The following ZNF821 variants were observed in gnomAD, a reference collection of about 807,000 sequenced individuals.
ZNF821 encodes the protein zinc finger protein 821.
In ZNF821, 16 loss-of-function variants were observed where a neutral mutation model predicts 44.3. The observed-to-expected ratio is 0.36, with a 90% CI of 0.24 to 0.55. The LOEUF is 0.55. ZNF821 is among the 20% of genes least tolerant of loss of function. The probability of loss-of-function intolerance (pLI) is 0.86; values close to 1 mark genes in which losing one functional copy is unlikely to be tolerated. For missense variants in ZNF821, 436 were observed against 547.6 expected, an observed-to-expected ratio of 0.80 and a Z score of 2.03; for synonymous variants, 204 against 197.6, an observed-to-expected ratio of 1.03 and a Z score of -0.27.
chr16:71,876,156 C>G (rs1346095154), intron 3 of ZNF821, among the ~76,000 whole-genome samples: 1 of 152,216 alleles, frequency 6.6e-6, no homozygotes, highest in African/African-American at 2.4e-5. Context: ...ATCATTTCTA[C>G]TAAGAGTACC....
chr16:71,877,640 C>T (rs1392074790), intron 3 of ZNF821, among the ~76,000 whole-genome samples: 1 of 151,986 alleles, frequency 6.6e-6, no homozygotes, highest in African/African-American at 2.4e-5. Context: ...GGGTTTTAGC[C>T]AGCTGCAGTG....
chr16:71,859,957 G>T lies in ZNF821; in HGVS notation c.*61C>A. 1.4e-6 allele frequency: 2 copies of T among 1,475,238 alleles called. No individual in the cohort carries two copies. Among genetic ancestry groups the T allele is most frequent in the Admixed American group, 4.7e-5 (2 of 42,874 alleles). The allele number at this position is 1,475,238 out of a possible 1,614,324, so 91.4% of individuals were successfully genotyped here. A position where few individuals can be genotyped will look rare whatever the true frequency, so the allele number is the denominator to read the frequency against. On this transcript the variant is annotated 3_prime_UTR_variant, in exon 8 of 8. Transcript: ENST00000425432. Reference sequence around the variant, plus strand: ...GGGTGGCAGCAGCACTGGTCCTCGTGGCTGTGGGTGTGGGTGGGTGGGTAG... The same window carrying T: ...GGGTGGCAGCAGCACTGGTCCTCGTTGCTGTGGGTGTGGGTGGGTGGGTAG...
chr16:71,875,363 C>A (rs1310156628), intron 3 of ZNF821, among the ~76,000 whole-genome samples: 1 of 151,966 alleles, frequency 6.6e-6, no homozygotes, highest in Non-Finnish European at 1.5e-5. Flanking sequence ...CTCACTGCAA[C>A]CTCTGCTTCC....
chr16:71,888,124 G>A (rs1243861492), upstream of ZNF821, among the ~76,000 whole-genome samples: 1 of 151,990 alleles, frequency 6.6e-6, no homozygotes. Flanking sequence ...CAATCTCCCC[G>A]CCTCAGCCTC....
At chr16:71,891,958 T>C (rs1367634370) in intron 1 of ZNF821, among the ~76,000 whole-genome samples, 3 of 125,300 alleles carry the variant, frequency 2.4e-5, no homozygotes, top group African/African-American at 6.2e-5. Context: ...ATTGAGCCAC[T>C]GCACTCCACC....
exon 1 of ZNF821, chr16:71,894,918 T>G: frequency 2.5e-6 from 3 of 1,198,950 alleles, no homozygotes; most frequent in Admixed American, 4.0e-5. Context: ...CGCCAGAGAC[T>G]GTGGTGCTGA....
rs117967468 is a variant in ZNF821, at chr16:71,894,855, A to C, written n.448+34T>G. On this transcript the variant is annotated intron_variant and non_coding_transcript_variant, in intron 1 of 2. Coordinates refer to the ZNF821 transcript ENST00000561700. ...CGATAATGGTTTTCAAGTTAAAAAC[A>C]AAGGTAACCAAGGAAAAAGTTTTCT... 403 of 1,532,896 alleles carry C rather than the reference A, an allele frequency of 2.6e-4. 6 individuals carry two copies. In the East Asian group the frequency reaches 9.6e-3, roughly 37 times the overall value. The allele number at this position is 1,532,896 out of a possible 1,614,324, so 95.0% of individuals were successfully genotyped here.
In ZNF821 at chr16:71,859,899, G is replaced by A. The variant is rs2033634731; in HGVS notation, c.*119C>T. The A allele has an allele frequency of 8.3e-7, 1 of 1,199,296 alleles. No individual in the cohort carries two copies. The highest frequency in any genetic ancestry group is 1.1e-6 in the Non-Finnish European group (1 of 882,444). The allele number at this position is 1,199,296 out of a possible 1,614,324, so 74.3% of individuals were successfully genotyped here. A position where few individuals can be genotyped will look rare whatever the true frequency, so the allele number is the denominator to read the frequency against. On this transcript the variant is annotated 3_prime_UTR_variant, in exon 8 of 8. Coordinates refer to ENST00000425432, the MANE Select transcript of ZNF821 (RefSeq NM_001201552.2). ...CTCAGGTCCACCTGCAATAAACCCAGGCCTGCCTCTGGCAGCAAGGACAGG... is the reference window on the plus strand; with the variant it reads ...CTCAGGTCCACCTGCAATAAACCCAAGCCTGCCTCTGGCAGCAAGGACAGG...
intron 2 of ZNF821, among the ~76,000 whole-genome samples, chr16:71,880,816 G>A (rs1306913163): frequency 6.6e-6 from 1 of 152,150 alleles, no homozygotes; most frequent in Non-Finnish European, 1.5e-5. Context: ...CCTCTGGGTA[G>A]CAAAGAGAAC....
intron 3 of ZNF821, among the ~76,000 whole-genome samples, chr16:71,875,134 T>C (rs550099772): frequency 6.6e-6 from 1 of 152,242 alleles, no homozygotes; most frequent in South Asian, 2.1e-4. Flanking sequence ...TAAAGGCCCT[T>C]GTAATGGCCA....
At chr16:71,891,714 A>G (rs1302226309) in intron 1 of ZNF821, among the ~76,000 whole-genome samples, 1 of 152,186 alleles carries the variant, frequency 6.6e-6, no homozygotes, top group Non-Finnish European at 1.5e-5. Context: ...TCACTACTAA[A>G]AATACAAAAA....
chr16:71,891,066 G>A (rs2036882710), intron 1 of ZNF821, among the ~76,000 whole-genome samples: 1 of 152,016 alleles, frequency 6.6e-6, no homozygotes, highest in Non-Finnish European at 1.5e-5. Context: ...GAGCCACCGC[G>A]CCCAGCCCCT....
At position 71,860,702 on chromosome 16, in the gene ZNF821, G is replaced by C; in HGVS notation, c.585-30C>G. ...AAAGGAAACATTTTGGATGGTTAGT[G>C]TTTCCTTCTAGCAAGAGTCGGGACT... On this transcript the variant is annotated intron_variant, in intron 7 of 7. Coordinates refer to ENST00000425432, the MANE Select transcript of ZNF821 (RefSeq NM_001201552.2). This position sits in a 1 kb window ranked among gnomAD's most constrained non-coding sequence, Gnocchi z 7.3. 6.3e-7 allele frequency: 1 copy of C among 1,598,764 alleles called. No individual in the cohort carries two copies.
upstream of ZNF821, among the ~76,000 whole-genome samples, chr16:71,887,875 G>A (rs551068763): frequency 2.2e-5 from 3 of 138,912 alleles, no homozygotes; most frequent in South Asian, 6.7e-4. Flanking sequence ...TTTTTTTTTG[G>A]AATCAGGGTC....
At chr16:71,881,229 A>C (rs1028007927) in intron 2 of ZNF821, 10 of 152,182 alleles carry the variant, frequency 6.6e-5, no homozygotes, top group African/African-American at 1.7e-4. Flanking sequence ...ACTCCAGTTA[A>C]TGAAGACTCA....
intron 1 of ZNF821, among the ~76,000 whole-genome samples, chr16:71,890,339 C>T (rs979390198): frequency 8.6e-5 from 13 of 151,600 alleles, no homozygotes; most frequent in Non-Finnish European, 1.5e-4. Context: ...CATCATCTTT[C>T]CCTTCTTTCT....
chr16:71,873,376 A>G (rs2035436906), intron 3 of ZNF821, among the ~76,000 whole-genome samples: 1 of 151,990 alleles, frequency 6.6e-6, no homozygotes, highest in Admixed American at 6.6e-5. Flanking sequence ...GGTAGGGAGA[A>G]GGTCTAACAC....
chr16:71,887,392 TG>T (rs1264522842), upstream of ZNF821, among the ~76,000 whole-genome samples: 7 of 151,846 alleles, frequency 4.6e-5, no homozygotes, highest in Admixed American at 4.6e-4. Flanking sequence ...CCCAAGCAGC[TG>T]GGACTACAGG....
In ZNF821 at chr16:71,860,384, C is replaced by T; in HGVS notation, c.873G>A (p.Glu291=). The change falls in exon 8 of 8, where the codon GAG becomes GAA. Residue 291 remains glutamate (E), a synonymous_variant. Transcript: ENST00000425432. The surrounding 1 kb of genome is among the most constrained non-coding windows in gnomAD (Gnocchi z 7.3). ...CCCTCATGCGCCTCACCTCCCGCTC[C>T]TCGGGGGTCTCATTGTCCCGCCGGC... is the stretch of plus-strand genomic sequence containing the variant. ...KKSRRDNETP[E]EREVRRMRDR... is the part of the protein sequence containing the mutation. 1 of 1,612,114 alleles carries T rather than the reference C, an allele frequency of 6.2e-7. No homozygotes were observed. The highest frequency in any genetic ancestry group is 8.5e-7 in the Non-Finnish European group (1 of 1,180,014).
Sources: allele counts gnomAD v4.1 joint callset (sites outside exome capture counted in the v4.1 genomes callset), GRCh38; gene constraint gnomAD v4.1.1; non-coding constraint Gnocchi (gnomAD v3.1); transcripts MANE v1.5; gene names NCBI Gene and HGNC (gene_info 2026-07-23, HGNC 2026-07-21).